Variants in SOX30 observed in about 807,000 individuals in gnomAD.
SOX30 encodes the protein transcription factor SOX-30.
In SOX30, 17 loss-of-function variants were observed where a neutral mutation model predicts 58.6. The ratio of observed to expected loss-of-function variants is 0.29; its 90% CI spans 0.20 to 0.44. The LOEUF is 0.44. SOX30 is among the 20% of genes least tolerant of loss of function. The pLI, the probability that SOX30 is intolerant of heterozygous loss-of-function variation, is 1.00. For synonymous variants in SOX30, 421 were observed against 400.2 expected (o/e 1.05, Z -0.62); for missense variants, 951 against 965.8 (o/e 0.98, Z 0.20).
At chr5:157,642,073 C>T (rs13158516) in intron 3 of SOX30, among the ~76,000 whole-genome samples, 29,427 of 151,924 alleles carry the variant, frequency 0.19, 3,545 homozygotes, top group South Asian at 0.3. Context: ...CCCTGCACTT[C>T]GGGAGGCTGA....
At position 157,646,686 on chromosome 5, in the gene SOX30, C is replaced by T. The variant is rs1047716365; in HGVS notation, c.1338G>A (p.Thr446=). 6 of 1,613,458 alleles carry T rather than the reference C, an allele frequency of 3.7e-6. No individual in the cohort carries two copies. Among genetic ancestry groups the T allele is most frequent in the South Asian group, 1.1e-5 (1 of 91,056 alleles). The part of the protein sequence containing the change: ...PTTVYPYRSP[T]YSVVIPSLQN... ...GTAGGCTGGGAATTACCACAGAGTA[C>T]GTAGGTGAGCGGTAAGGATAAACTG... is the stretch of plus-strand genomic sequence containing the variant. Residue 446 remains threonine (T), a synonymous_variant, in exon 3 of 5, where the codon ACG becomes ACA. Coordinates refer to ENST00000265007, the MANE Select transcript of SOX30 (RefSeq NM_178424.2).
chr5:157,669,048 G>A (rs558811857), intron 1 of SOX30, among the ~76,000 whole-genome samples: 54 of 152,300 alleles, frequency 3.5e-4, no homozygotes, highest in African/African-American at 1.3e-3. Flanking sequence ...GCCAAAAGGT[G>A]CCAAATGTGC....
chr5:157,654,347 A>C (rs552618649), upstream of SOX30, among the ~76,000 whole-genome samples: 283 of 152,308 alleles, frequency 1.9e-3, no homozygotes, highest in Middle Eastern at 3.4e-3. Context: ...TATTTTCCCC[A>C]CCTTATGCTC....
At chr5:157,649,550 G>A (rs1328208891) in intron 1 of SOX30, among the ~76,000 whole-genome samples, 1 of 152,212 alleles carries the variant, frequency 6.6e-6, no homozygotes, top group Non-Finnish European at 1.5e-5. Flanking sequence ...AGCACTTTGG[G>A]AGGCCAAGGC....
At chr5:157,661,110 G>C (rs1010415067) in intron 2 of SOX30, among the ~76,000 whole-genome samples, 6 of 152,108 alleles carry the variant, frequency 3.9e-5, no homozygotes, top group African/African-American at 1.4e-4. Context: ...GTTGTATGTT[G>C]ATTTTTGTAT....
chr5:157,664,170 A>T (rs1363883335), intron 2 of SOX30, among the ~76,000 whole-genome samples: 1 of 152,098 alleles, frequency 6.6e-6, no homozygotes, highest in Non-Finnish European at 1.5e-5. Context: ...AGCTGGAGGG[A>T]TCACGCTACC....
Position 157,638,353 on chromosome 5 carries a change from A to G in SOX30, c.1757T>C (p.Ile586Thr). The G allele has an allele frequency of 6.2e-7, 1 of 1,613,596 alleles. No homozygotes were observed. The highest frequency in any genetic ancestry group is 8.5e-7 in the Non-Finnish European group (1 of 1,179,736). ...RSAPIPQASP[I>T]PHPHVYQPPP... ...GGGCTGGTAGACATGTGGGTGTGGA[A>G]TGGGAGAAGCCTGGGGGATTGGAGC... The change falls in exon 4 of 5, where the codon ATT (isoleucine) becomes ACT (threonine). Residue 586 changes from isoleucine (I) to threonine (T), a missense_variant. Ile to Thr is a moderately conservative substitution (Grantham distance 89). Coordinates refer to ENST00000265007, the MANE Select transcript of SOX30 (RefSeq NM_178424.2).
chr5:157,627,002 TTCTC>T (rs2113829156), intron 4 of SOX30, among the ~76,000 whole-genome samples: 1 of 152,338 alleles, frequency 6.6e-6, no homozygotes, highest in Non-Finnish European at 1.5e-5. Context: ...ATTCTGGTCT[TTCTC>T]TCATGATGCC....
intron 2 of SOX30, among the ~76,000 whole-genome samples, chr5:157,659,539 C>T (rs1411554395): frequency 6.6e-6 from 1 of 152,228 alleles, no homozygotes; most frequent in East Asian, 1.9e-4. Flanking sequence ...TATTTCTGAA[C>T]TCTCTGTTCT....
At chr5:157,669,487 T>TTTAC (rs1217610773) in intron 1 of SOX30, among the ~76,000 whole-genome samples, 1 of 16,394 alleles carries the variant, frequency 6.1e-5, no homozygotes, top group Non-Finnish European at 1.1e-4. Context: ...GCCCATCAAT[T>TTTAC]TTATTTATTT....
In SOX30 at chr5:157,648,666, C is replaced by T; in HGVS notation, c.1198G>A (p.Glu400Lys). The T allele has an allele frequency of 6.2e-7, 1 of 1,611,140 alleles. No individual in the cohort carries two copies. Among genetic ancestry groups the T allele is most frequent in the Non-Finnish European group, 8.5e-7 (1 of 1,178,470 alleles). ...AQKIKEKHRE[E>K]FPGWVYQPRP... The stretch of plus-strand genomic sequence containing the variant: ...TATTTAATTTGATTACCAGGAAATT[C>T]CTCTCTGTGCTTTTCCTTAATCTTT... The change falls in exon 2 of 5, where the codon GAA (glutamate) becomes AAA (lysine). Residue 400 changes from glutamate to lysine, a missense_variant. Physicochemically the swap from Glu to Lys is moderately conservative, Grantham distance 56. Coordinates refer to ENST00000265007, the MANE Select transcript of SOX30 (RefSeq NM_178424.2).
At chr5:157,646,254 T>C (rs1759190133) in intron 3 of SOX30, among the ~76,000 whole-genome samples, 1 of 152,188 alleles carries the variant, frequency 6.6e-6, no homozygotes, top group African/African-American at 2.4e-5. Context: ...CAAATCAGTA[T>C]CATTACTAAG....
intron 2 of SOX30, among the ~76,000 whole-genome samples, chr5:157,666,760 C>T (rs900872813): frequency 9.9e-5 from 15 of 152,158 alleles, no homozygotes; most frequent in African/African-American, 3.6e-4. Flanking sequence ...GGCTGGAGTG[C>T]AGTGGCACAA....
chr5:157,632,993 G>A (rs1446785358), intron 4 of SOX30, among the ~76,000 whole-genome samples: 4 of 152,082 alleles, frequency 2.6e-5, no homozygotes, highest in Non-Finnish European at 4.4e-5. Context: ...GGAGGCTGAG[G>A]CACGAGAATC....
At chr5:157,656,671 A>G (rs1279755393), upstream of SOX30, among the ~76,000 whole-genome samples, 1 of 152,230 alleles carries the variant, frequency 6.6e-6, no homozygotes, top group Non-Finnish European at 1.5e-5. Flanking sequence ...CTACTGAAGA[A>G]TAGTTCTACA....
At chr5:157,655,335 G>C (rs191724430), upstream of SOX30, among the ~76,000 whole-genome samples, 215 of 152,296 alleles carry the variant, frequency 1.4e-3, 1 homozygote, top group Middle Eastern at 0.01. Flanking sequence ...TTGGATAAGT[G>C]GTGGGGTACC....
chr5:157,660,621 C>A (rs1348128170), intron 2 of SOX30, among the ~76,000 whole-genome samples: 1 of 151,702 alleles, frequency 6.6e-6, no homozygotes, highest in East Asian at 1.9e-4. Context: ...TACTCTGTTA[C>A]CCAGGCTGGA....
intron 4 of SOX30, among the ~76,000 whole-genome samples, chr5:157,632,344 A>G (rs1361620557): frequency 6.6e-6 from 1 of 152,198 alleles, no homozygotes; most frequent in Non-Finnish European, 1.5e-5. Flanking sequence ...AGTCATCTGG[A>G]GTTCCCTCTG....
chr5:157,650,961 C>T (rs1418566730), intron 1 of SOX30, 151 bp downstream of exon 1: 4 of 576,374 alleles, frequency 6.9e-6, no homozygotes, highest in Non-Finnish European at 1.2e-5. Flanking sequence ...ATGTACAAGT[C>T]GATCAGAAGT....
Sources: gnomAD v4.1 joint callset for allele counts (sites outside exome capture counted in the v4.1 genomes callset) on GRCh38, gnomAD v4.1.1 for gene constraint, MANE v1.5 for transcripts, NCBI Gene and HGNC (gene_info 2026-07-23, HGNC 2026-07-21) for gene names.